Variants in DPP10 observed in about 807,000 individuals in gnomAD.
DPP10 encodes the protein dipeptidyl peptidase like 10, also known as inactive dipeptidyl peptidase 10.
Under a neutral mutation model 120.9 loss-of-function variants are expected in DPP10, and 33 were observed. The observed-to-expected ratio is 0.27, with a 90% CI of 0.21 to 0.37. DPP10 has a LOEUF of 0.37. DPP10 is among the 10% of genes least tolerant of loss of function. The pLI is 1.00. For missense variants in DPP10, 816 were observed against 942.8 expected (o/e 0.87, Z 1.76); for synonymous variants, 337 against 326.1 (o/e 1.03, Z -0.36).
chr2:114,970,884 C>T (rs565975727), intron 1 of DPP10, among the ~76,000 whole-genome samples: 86 of 152,238 alleles, frequency 5.6e-4, no homozygotes, highest in Non-Finnish European at 1.0e-3. Flanking sequence ...ATGGAATATG[C>T]ATCTAACTGG....
chr2:115,837,841 CAAAAA>C (rs10716487), intron 24 of DPP10, among the ~76,000 whole-genome samples: 1 of 132,262 alleles, frequency 7.6e-6, no homozygotes, highest in Admixed American at 7.7e-5. Context: ...TTGGGGTAAT[CAAAAA>C]AAAAAAAAGT....
At chr2:115,554,775 A>T (rs1204379119) in intron 5 of DPP10, among the ~76,000 whole-genome samples, 1 of 152,146 alleles carries the variant, frequency 6.6e-6, no homozygotes, top group Non-Finnish European at 1.5e-5. Context: ...ATATCTTTCC[A>T]TGACAAAACA....
intron 1 of DPP10, among the ~76,000 whole-genome samples, chr2:114,792,152 CTAT>C (rs1683305570): frequency 6.6e-6 from 1 of 151,972 alleles, no homozygotes; most frequent in African/African-American, 2.4e-5. Flanking sequence ...GAAATAAAAT[CTAT>C]TATTATTAAT....
At chr2:115,716,843 T>C (rs1409406896) in intron 7 of DPP10, among the ~76,000 whole-genome samples, 3 of 152,168 alleles carry the variant, frequency 2.0e-5, no homozygotes, top group Non-Finnish European at 4.4e-5. Context: ...AGTCCCACCT[T>C]CTGCATTTTT....
intron 2 of DPP10, among the ~76,000 whole-genome samples, chr2:115,311,310 G>C (rs71418552): frequency 0.026 from 4,006 of 152,210 alleles, 69 homozygotes; most frequent in South Asian, 0.059. Flanking sequence ...TAGTTCAAGA[G>C]TTTATTTAGC....
chr2:115,358,194 A>C (rs540990919), intron 3 of DPP10, among the ~76,000 whole-genome samples: 2 of 152,150 alleles, frequency 1.3e-5, no homozygotes, highest in African/African-American at 4.8e-5. Flanking sequence ...TCATCAGGCT[A>C]CAAATTCCCA....
At chr2:114,692,965 G>C (rs576603308) in intron 1 of DPP10, among the ~76,000 whole-genome samples, 1 of 151,978 alleles carries the variant, frequency 6.6e-6, no homozygotes, top group African/African-American at 2.4e-5. Context: ...TTAAGTCTAT[G>C]TGTGTCTTTG....
intron 1 of DPP10, among the ~76,000 whole-genome samples, chr2:115,024,297 C>T (rs1355458794): frequency 1.3e-5 from 2 of 151,882 alleles, no homozygotes; most frequent in Non-Finnish European, 2.9e-5. Context: ...ATTTTTAGGC[C>T]ATTTCTATGT....
At chr2:115,545,132 A>G (rs2079420878) in intron 5 of DPP10, among the ~76,000 whole-genome samples, 2 of 152,118 alleles carry the variant, frequency 1.3e-5, no homozygotes, top group South Asian at 2.1e-4. Flanking sequence ...CAAATGCTCA[A>G]TAAAAGACTG....
intron 3 of DPP10, among the ~76,000 whole-genome samples, chr2:115,402,698 C>T (rs1432916109): frequency 6.6e-6 from 1 of 150,646 alleles, no homozygotes; most frequent in East Asian, 1.9e-4. Flanking sequence ...GGCTTCACTG[C>T]TACATTCTAC....
chr2:114,951,800 T>C (rs1014824279), intron 1 of DPP10, among the ~76,000 whole-genome samples: 6 of 152,124 alleles, frequency 3.9e-5, no homozygotes, highest in African/African-American at 1.2e-4. Flanking sequence ...TTTACACATA[T>C]CCACTTCCTC....
At chr2:115,531,508 C>T (rs1265102820) in intron 5 of DPP10, among the ~76,000 whole-genome samples, 2 of 152,044 alleles carry the variant, frequency 1.3e-5, no homozygotes, top group African/African-American at 2.4e-5. Flanking sequence ...CTGGATTTAA[C>T]GTCCAACTGT....
chr2:115,716,650 T>C (rs2092504147), intron 7 of DPP10, among the ~76,000 whole-genome samples: 1 of 152,142 alleles, frequency 6.6e-6, no homozygotes, highest in South Asian at 2.1e-4. Flanking sequence ...TATGATTATT[T>C]TACTGGTGTA....
At chr2:115,780,280 T>C (rs141551881) in intron 15 of DPP10, among the ~76,000 whole-genome samples, 56 of 152,062 alleles carry the variant, frequency 3.7e-4, no homozygotes, top group Non-Finnish European at 7.5e-4. Context: ...TACCACCTCA[T>C]TATGTCAAAG....
intron 3 of DPP10, among the ~76,000 whole-genome samples, chr2:115,412,665 TA>T (rs2069048145): frequency 6.6e-6 from 1 of 152,204 alleles, no homozygotes; most frequent in South Asian, 2.1e-4. Flanking sequence ...AGGACTAAGT[TA>T]TTTCTGATCT....
intron 3 of DPP10, among the ~76,000 whole-genome samples, chr2:115,353,619 G>A (rs919596483): frequency 1.3e-4 from 20 of 152,212 alleles, no homozygotes; most frequent in African/African-American, 4.8e-4. Context: ...TGTTCAGTAA[G>A]TCAAAATTTG....
At chr2:115,435,071 TATG>T (rs2071369161) in intron 3 of DPP10, among the ~76,000 whole-genome samples, 1 of 151,030 alleles carries the variant, frequency 6.6e-6, no homozygotes, top group Non-Finnish European at 1.5e-5. Flanking sequence ...TATATATATA[TATG>T]TATCACATTT....
intron 1 of DPP10, among the ~76,000 whole-genome samples, chr2:114,804,286 C>T (rs949168106): frequency 1.3e-5 from 2 of 152,170 alleles, no homozygotes; most frequent in Non-Finnish European, 2.9e-5. Context: ...GGGTAGGGCC[C>T]TTAAGGAGAA....
intron 1 of DPP10, among the ~76,000 whole-genome samples, chr2:114,488,084 AAT>A (rs1668894936): frequency 6.6e-6 from 1 of 152,236 alleles, no homozygotes; most frequent in African/African-American, 2.4e-5. Flanking sequence ...ATAGTGTTCG[AAT>A]GTAATTTCAA....
Sources: allele counts gnomAD v4.1 joint callset (sites outside exome capture counted in the v4.1 genomes callset), GRCh38; gene constraint gnomAD v4.1.1; transcripts MANE v1.5; gene names NCBI Gene and HGNC (gene_info 2026-07-23, HGNC 2026-07-21).